Variants in LAMB4 observed in about 807,000 individuals in gnomAD.
LAMB4 encodes the protein laminin subunit beta-4.
Under a neutral mutation model 199.2 loss-of-function variants are expected in LAMB4, and 196 were observed. The ratio of observed to expected loss-of-function variants is 0.98; its 90% CI spans 0.88 to 1.11. The LOEUF (loss-of-function observed/expected upper bound fraction) is 1.11. LAMB4 is among the 50% of genes least tolerant of loss of function. LAMB4 has a pLI of 0.00. For missense variants in LAMB4, 2,080 were observed against 2,171.2 expected, an observed-to-expected ratio of 0.96 and a Z score of 0.83; for synonymous variants, 744 against 770.6, an observed-to-expected ratio of 0.97 and a Z score of 0.57.
At chr7:108,089,304 A>G (rs2037308786) in intron 14 of LAMB4, among the ~76,000 whole-genome samples, 1 of 152,134 alleles carries the variant, frequency 6.6e-6, no homozygotes, top group Admixed American at 6.6e-5. Context: ...CAAAAAATAA[A>G]GTTTAGCCTC....
downstream of LAMB4, among the ~76,000 whole-genome samples, chr7:108,023,096 G>A (rs1212735320): frequency 6.6e-6 from 1 of 152,198 alleles, no homozygotes; most frequent in East Asian, 1.9e-4. Context: ...TTATAGGCAT[G>A]AGTCACCATG....
In LAMB4 at chr7:108,122,684, T is replaced by C. The variant is rs374140635; in HGVS notation, c.34+447A>G. On this transcript the variant is annotated intron_variant, in intron 2 of 33. Transcript: ENST00000388781. ...TCTTCTCTATGATTAATGTAAATTG[T>C]TCTCAGCTTATTAAAGACAGCAGGA... Among the ~76,000 whole-genome samples the C allele has an allele frequency of 1.2e-4, 18 of 152,234 alleles. No homozygotes were observed. The East Asian group carries it at 1.5e-3, about 13-fold the overall frequency.
intron 29 of LAMB4, among the ~76,000 whole-genome samples, chr7:108,043,545 G>GTTTTTTTTTTTTTTTTTTTTT (rs748169558): frequency 5.4e-5 from 3 of 56,002 alleles, no homozygotes; most frequent in African/African-American, 1.5e-4. Context: ...TGGCTATGAT[G>GTTTTTTTTTTTTTTTTTTTTT]TTTTTTTTTT....
In LAMB4 at chr7:108,079,769, G is replaced by A. The variant is rs1377093920; in HGVS notation, c.1719C>T (p.Gly573=). ...GLAPLGSETF[G]QSPAVHVVLG... The stretch of plus-strand genomic sequence containing the variant: ...AAACAACGTGAACAGCAGGACTCTG[G>A]CCAAACGTCTCCGAGCCCTAAAATG... The change falls in exon 15 of 34, where the codon GGC becomes GGT. Residue 573 remains glycine, a synonymous_variant. Coordinates refer to ENST00000388781, the MANE Select transcript of LAMB4 (RefSeq NM_007356.3). 1 of 1,591,868 alleles carries A rather than the reference G, an allele frequency of 6.3e-7. No individual in the cohort carries two copies. Among genetic ancestry groups the A allele is most frequent in the Non-Finnish European group, 8.5e-7 (1 of 1,170,994 alleles).
In LAMB4 at chr7:108,034,214, C is replaced by T. The variant is rs200506280; in HGVS notation, c.4812G>A (p.Val1604=). ...TANITKIKKN[V]LQAENQTREM... ...TTTCAAAGAAGACAAATACCTGCAG[C>T]ACATTCTTTTTTATTTTTGTTATAT... Residue 1604 remains valine (V), a synonymous_variant, in exon 31 of 34, where the codon GTG becomes GTA. Transcript: ENST00000388781. 3.2e-5 allele frequency: 52 copies of T among 1,613,976 alleles called. No homozygotes were observed. In the African/African-American group the frequency reaches 4.5e-4, roughly 14 times the overall value.
intron 13 of LAMB4, 23 bp downstream of exon 13, chr7:108,092,314 G>A (rs761392005): frequency 1.9e-5 from 30 of 1,564,316 alleles, no homozygotes; most frequent in Non-Finnish European, 2.5e-5. Context: ...AAGGAATATT[G>A]CTATAAAACT....
intron 30 of LAMB4, 85 bp from the exon 31 acceptor site, chr7:108,034,431 C>CAAATACTTTACTGAATT: frequency 9.7e-7 from 1 of 1,027,664 alleles, no homozygotes; most frequent in South Asian, 1.4e-5. Flanking sequence ...TTGACTCAAC[C>CAAATACTTTACTGAATT]AAATACTTTA....
intron 25 of LAMB4, among the ~76,000 whole-genome samples, chr7:108,055,019 AT>A (rs965783166): frequency 1.3e-5 from 2 of 152,184 alleles, no homozygotes; most frequent in Non-Finnish European, 2.9e-5. Flanking sequence ...ATTGAAAAAA[AT>A]ATGTTGTTTT....
In LAMB4 at chr7:108,117,582, C is replaced by A. The variant is rs148380463; in HGVS notation, c.35-1421G>T. On this transcript the variant is annotated intron_variant, in intron 2 of 33. Coordinates refer to ENST00000388781, the MANE Select transcript of LAMB4 (RefSeq NM_007356.3). ...TACAGGAAAGGGGTCCCGACCCAGA[C>A]CCCAAGTGAGGGTTCTTGAACCTCA... Among the ~76,000 whole-genome samples the A allele has an allele frequency of 3.6e-3, 552 of 152,228 alleles. 3 individuals carry two copies. The highest frequency in any genetic ancestry group is 0.011 in the African/African-American group (452 of 41,538).
intron 4 of LAMB4, 87 bp downstream of exon 4, chr7:108,111,724 T>G: frequency 8.6e-7 from 1 of 1,169,542 alleles, no homozygotes; most frequent in Non-Finnish European, 1.3e-6. Flanking sequence ...AATACTTTGC[T>G]GTGACATTAT....
intron 9 of LAMB4, among the ~76,000 whole-genome samples, chr7:108,103,730 C>T (rs1424444643): frequency 6.6e-6 from 1 of 152,204 alleles, no homozygotes; most frequent in Non-Finnish European, 1.5e-5. Context: ...GGCCAGTGGC[C>T]TGGAGGGAAA....
chr7:108,078,029 T>C (rs1449611746), intron 16 of LAMB4, among the ~76,000 whole-genome samples, 172 bp downstream of exon 16: 2 of 152,224 alleles, frequency 1.3e-5, no homozygotes, highest in Non-Finnish European at 2.9e-5. Context: ...GTTATGAAGA[T>C]TAAAAGTGAT....
intron 2 of LAMB4, among the ~76,000 whole-genome samples, chr7:108,119,751 C>T (rs2038535205): frequency 6.6e-6 from 1 of 152,136 alleles, no homozygotes; most frequent in Non-Finnish European, 1.5e-5. Flanking sequence ...CAAATACACG[C>T]ACACATGAGT....
rs774359226 is a variant in LAMB4, at chr7:108,106,012, G to A, written c.675C>T (p.Asn225=). The change falls in exon 8 of 34, where the codon AAC becomes AAT. Residue 225 remains asparagine, a synonymous_variant. Coordinates refer to ENST00000388781, the MANE Select transcript of LAMB4 (RefSeq NM_007356.3). Reference sequence around the variant, plus strand: ...GGAGCTTGGTAAAGTTTATCCTCAGGTTTGTCAATGTCACAAGGTCTAAAG... The same window carrying A: ...GGAGCTTGGTAAAGTTTATCCTCAGATTTGTCAATGTCACAAGGTCTAAAG... ...PYIQDLVTLT[N]LRINFTKLHT... is the part of the protein sequence containing the mutation. The A allele has an allele frequency of 1.6e-5, 26 of 1,613,738 alleles. No individual in the cohort carries two copies. The highest frequency in any genetic ancestry group is 2.2e-5 in the Non-Finnish European group (26 of 1,179,824).
chr7:108,071,934 C>CTT (rs546301703), intron 17 of LAMB4, among the ~76,000 whole-genome samples: 3 of 145,824 alleles, frequency 2.1e-5, no homozygotes, highest in Admixed American at 6.9e-5. Context: ...AAAATCTGAA[C>CTT]TTTTTTTTTT....
At chr7:108,122,463 T>C (rs1247950222) in intron 2 of LAMB4, among the ~76,000 whole-genome samples, 1 of 152,090 alleles carries the variant, frequency 6.6e-6, no homozygotes, top group Non-Finnish European at 1.5e-5. Flanking sequence ...CAAATCTAAC[T>C]GGAAAATTAC....
intron 14 of LAMB4, among the ~76,000 whole-genome samples, chr7:108,087,192 T>G (rs911022203): frequency 6.6e-6 from 1 of 152,222 alleles, no homozygotes; most frequent in Admixed American, 6.5e-5. Flanking sequence ...TCATGTTACA[T>G]GCAGCTGTTT....
chr7:108,018,564 C>G (rs916656597), downstream of LAMB4, among the ~76,000 whole-genome samples: 4 of 152,236 alleles, frequency 2.6e-5, no homozygotes, highest in Non-Finnish European at 5.9e-5. Flanking sequence ...AAGGTGAAAC[C>G]CTGTCTCTAC....
chr7:108,090,627 C>T (rs185252889), intron 14 of LAMB4, among the ~76,000 whole-genome samples: 4 of 152,026 alleles, frequency 2.6e-5, no homozygotes, highest in Admixed American at 1.3e-4. Context: ...CAGTATGTGC[C>T]GTGCTGGGGG....
Sources: gnomAD v4.1 joint callset for allele counts (sites outside exome capture counted in the v4.1 genomes callset) on GRCh38, gnomAD v4.1.1 for gene constraint, MANE v1.5 for transcripts, NCBI Gene and HGNC (gene_info 2026-07-23, HGNC 2026-07-21) for gene names.